FSHR: variants seen among roughly 807,000 people sequenced by gnomAD.
FSHR encodes the protein follicle-stimulating hormone receptor.
Under a neutral mutation model 52.1 loss-of-function variants are expected in FSHR, and 46 were observed. The ratio of observed to expected loss-of-function variants is 0.88; its 90% CI spans 0.70 to 1.13. FSHR has a LOEUF of 1.13. Ranked by LOEUF, FSHR falls within the 50% of genes most tolerant of loss-of-function variation. FSHR has a pLI of 0.00. For synonymous variants in FSHR, 399 were observed against 309.6 expected (o/e 1.29, Z -3.03); for missense variants, 964 against 834.6 (o/e 1.16, Z -1.91).
chr2:49,114,645 T>C (rs910039752), intron 1 of FSHR, among the ~76,000 whole-genome samples: 1 of 152,084 alleles, frequency 6.6e-6, no homozygotes, highest in Non-Finnish European at 1.5e-5. Flanking sequence ...AGGGACAATA[T>C]GTGTGAAAAT....
At chr2:49,045,737 G>A (rs1668631721) in intron 2 of FSHR, among the ~76,000 whole-genome samples, 1 of 152,162 alleles carries the variant, frequency 6.6e-6, no homozygotes, top group Admixed American at 6.6e-5. Flanking sequence ...GCTTGGATTA[G>A]ACATCCATCC....
In FSHR at chr2:48,968,585, G is replaced by C. The variant is rs1674585221; in HGVS notation, c.854+113C>G. 3 of 1,267,104 alleles carry C rather than the reference G, an allele frequency of 2.4e-6. No individual in the cohort carries two copies. The African/African-American group carries it at 4.4e-5, about 19-fold the overall frequency. The allele number at this position is 1,267,104 out of a possible 1,614,324, so 78.5% of individuals were successfully genotyped here. ...TGACCCAGAATGTGCCAAAGGGCTT[G>C]AGACAGGGAACTCTCTGCAAGTAGA... On this transcript the variant is annotated intron_variant, in intron 9 of 9. Transcript: ENST00000406846.
At chr2:49,046,342 G>A (rs993480788) in intron 2 of FSHR, among the ~76,000 whole-genome samples, 3 of 152,142 alleles carry the variant, frequency 2.0e-5, no homozygotes, top group Non-Finnish European at 4.4e-5. Context: ...CTACACTTTT[G>A]CATTCATAAA....
chr2:48,997,165 A>G, intron 4 of FSHR: 1 of 951,038 alleles, frequency 1.1e-6, no homozygotes, highest in Non-Finnish European at 1.3e-6. Context: ...GATAACACCA[A>G]ACAGTTCACT....
rs369750776 is a variant in FSHR, at chr2:48,984,679, C to G, written c.525-1513G>C. ...TAACTTAGATCTAATGTTAGTGTTT[C>G]CTGTCTTAGCTCATGAGCTGGATTT... On this transcript the variant is annotated intron_variant, in intron 6 of 9. Coordinates refer to ENST00000406846, the MANE Select transcript of FSHR (RefSeq NM_000145.4). Among the ~76,000 whole-genome samples the G allele has an allele frequency of 2.6e-5, 4 of 151,378 alleles. No individual in the cohort carries two copies. In the East Asian group the frequency reaches 5.8e-4, roughly 22 times the overall value.
intron 1 of FSHR, among the ~76,000 whole-genome samples, chr2:49,093,355 T>C (rs6737173): frequency 1.3e-5 from 2 of 152,174 alleles, no homozygotes; most frequent in African/African-American, 4.8e-5. Flanking sequence ...CAGTTTGTGA[T>C]TCATGTATAT....
In FSHR at chr2:48,963,118, G is replaced by T. The variant is rs1168826778; in HGVS notation, c.1703C>A (p.Thr568Asn). ...NPNIVSSSSD[T>N]RIAKRMAMLI... Reference sequence around the variant, plus strand: ...CATGGCCATGCGCTTGGCGATCCTGGTGTCACTAGAGGAGGACACGATGTT... The same window carrying T: ...CATGGCCATGCGCTTGGCGATCCTGTTGTCACTAGAGGAGGACACGATGTT... The change falls in exon 10 of 10, where the codon ACC (threonine) becomes AAC (asparagine). Residue 568 changes from threonine (T) to asparagine (N), a missense_variant. Physicochemically the swap from Thr to Asn is moderately conservative, Grantham distance 65. Transcript: ENST00000406846. 2 of 1,614,090 alleles carry T rather than the reference G, an allele frequency of 1.2e-6. No homozygotes were observed. The highest frequency in any genetic ancestry group is 1.7e-6 in the Non-Finnish European group (2 of 1,180,004).
intron 2 of FSHR, among the ~76,000 whole-genome samples, chr2:49,037,645 A>G (rs979229735): frequency 4.6e-5 from 7 of 152,220 alleles, no homozygotes; most frequent in African/African-American, 1.4e-4. Context: ...AGTTAAGGTA[A>G]TTAAACACTC....
chr2:49,105,174 T>C (rs1459218786), intron 1 of FSHR, among the ~76,000 whole-genome samples: 6 of 152,120 alleles, frequency 3.9e-5, no homozygotes, highest in Admixed American at 6.5e-5. Flanking sequence ...TTCACCAGTG[T>C]AATCTAGGTT....
At chr2:48,978,561 A>C (rs1196270826) in intron 8 of FSHR, among the ~76,000 whole-genome samples, 1 of 152,264 alleles carries the variant, frequency 6.6e-6, no homozygotes, top group Non-Finnish European at 1.5e-5. Flanking sequence ...AAGGCAATGC[A>C]TTAAATTTTC....
intron 8 of FSHR, among the ~76,000 whole-genome samples, chr2:48,974,158 G>A (rs1358384911): frequency 1.3e-5 from 2 of 152,180 alleles, no homozygotes; most frequent in African/African-American, 4.8e-5. Context: ...TGGTGCTTCT[G>A]CAGCAGGTAA....
At chr2:49,043,995 A>G (rs1025135591) in intron 2 of FSHR, among the ~76,000 whole-genome samples, 1 of 152,176 alleles carries the variant, frequency 6.6e-6, no homozygotes, top group Non-Finnish European at 1.5e-5. Context: ...GGCACCAAAG[A>G]TCTGGACAGC....
chr2:49,068,242 T>TA lies in FSHR; in HGVS notation c.200_201insT (p.Gly68ArgfsTer14), dbSNP rs1213364741. The TA allele has an allele frequency of 1.9e-6, 3 of 1,610,990 alleles. No individual in the cohort carries two copies. The highest frequency in any genetic ancestry group is 2.5e-6 in the Non-Finnish European group (3 of 1,178,542). ...ACATTTTCTCCAGGTCCCCAAATCCTGAAAATGCACCTTTTTGGATGACTC... is the reference window on the plus strand; with the variant it reads ...ACATTTTCTCCAGGTCCCCAAATCCTAGAAAATGCACCTTTTTGGATGACTC... On this transcript the variant is annotated frameshift_variant, in exon 2 of 10. Coordinates refer to ENST00000406846, the MANE Select transcript of FSHR (RefSeq NM_000145.4). LOFTEE classifies it high-confidence loss of function.
chr2:49,100,845 G>A (rs1671001266), intron 1 of FSHR, among the ~76,000 whole-genome samples: 2 of 152,148 alleles, frequency 1.3e-5, no homozygotes, highest in Admixed American at 1.3e-4. Context: ...GAAGCACTGA[G>A]GAAAGCTGAC....
intron 8 of FSHR, among the ~76,000 whole-genome samples, chr2:48,974,447 G>A (rs1674892391): frequency 6.6e-6 from 1 of 152,186 alleles, no homozygotes; most frequent in African/African-American, 2.4e-5. Context: ...TGGTGGCTTT[G>A]ATGCTGTGAG....
intron 1 of FSHR, among the ~76,000 whole-genome samples, chr2:49,131,812 T>C (rs1672290171): frequency 6.6e-6 from 1 of 152,222 alleles, no homozygotes; most frequent in African/African-American, 2.4e-5. Flanking sequence ...AAGTTCTTTC[T>C]ACCAACTATG....
chr2:49,028,106 AAGTG>A (rs1337235383), intron 2 of FSHR, among the ~76,000 whole-genome samples: 6 of 152,278 alleles, frequency 3.9e-5, no homozygotes, highest in African/African-American at 1.4e-4. Context: ...AGGCAAAAAA[AAGTG>A]AGGTGCGAGG....
intron 1 of FSHR, among the ~76,000 whole-genome samples, chr2:49,088,814 C>T (rs1460451117): frequency 1.3e-5 from 2 of 151,406 alleles, no homozygotes; most frequent in Non-Finnish European, 2.9e-5. Flanking sequence ...AATGAAGTCA[C>T]AAGGAAAGCT....
At chr2:49,000,783 T>TTGGGGAAA (rs1666848425) in intron 4 of FSHR, among the ~76,000 whole-genome samples, 1 of 152,122 alleles carries the variant, frequency 6.6e-6, no homozygotes, top group Admixed American at 6.6e-5. Flanking sequence ...GTTTCATAGC[T>TTGGGGAAA]GCTCCCTCTA....
Sources: allele counts gnomAD v4.1 joint callset (sites outside exome capture counted in the v4.1 genomes callset), GRCh38; gene constraint gnomAD v4.1.1; transcripts MANE v1.5; gene names NCBI Gene and HGNC (gene_info 2026-07-23, HGNC 2026-07-21).